XRN2: variants seen among roughly 807,000 people sequenced by gnomAD.
XRN2 encodes 5'-3' exoribonuclease 2.
Under a neutral mutation model 138.5 loss-of-function variants are expected in XRN2, and 44 were observed. The ratio of observed to expected loss-of-function variants is 0.32; its 90% confidence interval spans 0.25 to 0.41. XRN2 has a LOEUF of 0.41. Among genes scored for constraint, XRN2 ranks in the 10% least tolerant of loss-of-function variants. The pLI is 1.00. For synonymous variants in XRN2, 354 were observed against 369.4 expected, an observed-to-expected ratio of 0.96 and a Z score of 0.48; for missense variants, 937 against 1,169.3, an observed-to-expected ratio of 0.80 and a Z score of 2.90.
intron 4 of XRN2, 104 bp from the exon 5 acceptor site, chr20:21,330,377 C>T (rs1025610996): frequency 1.0e-4 from 119 of 1,172,914 alleles, no homozygotes; most frequent in Non-Finnish European, 1.4e-4. Context: ...CGAGACTTCA[C>T]TTTCTTTTGT....
intron 13 of XRN2, among the ~76,000 whole-genome samples, chr20:21,335,562 G>C (rs202842): frequency 0.14 from 20,920 of 152,208 alleles, 1,783 homozygotes; most frequent in Non-Finnish European, 0.19. Context: ...ACTTGGTAAT[G>C]TTTTTATGTG....
Position 21,349,375 on chromosome 20 carries a change from T to C in XRN2, c.1864-14T>C. ...GACTTCTGTTTTGATTCTTTACTTTTCTCCCTAATATAGGATTCTAGTATA... is the reference window on the plus strand; with the variant it reads ...GACTTCTGTTTTGATTCTTTACTTTCCTCCCTAATATAGGATTCTAGTATA... On this transcript the variant is annotated splice_polypyrimidine_tract_variant and intron_variant, in intron 19 of 29. Coordinates refer to ENST00000377191, the MANE Select transcript of XRN2 (RefSeq NM_012255.5). The C allele has an allele frequency of 1.3e-6, 2 of 1,522,684 alleles. No individual in the cohort carries two copies. The highest frequency in any genetic ancestry group is 1.8e-6 in the Non-Finnish European group (2 of 1,100,640). The allele number at this position is 1,522,684 out of a possible 1,614,324, so 94.3% of individuals were successfully genotyped here. A position where few individuals can be genotyped will look rare whatever the true frequency, so the allele number is the denominator to read the frequency against.
intron 24 of XRN2, among the ~76,000 whole-genome samples, chr20:21,358,077 T>G (rs1401252143): frequency 6.6e-6 from 1 of 152,058 alleles, no homozygotes; most frequent in Non-Finnish European, 1.5e-5. Flanking sequence ...AGAGTAGGAG[T>G]ATCTAGCAGT....
chr20:21,321,383 A>G (rs2038042547), intron 1 of XRN2, among the ~76,000 whole-genome samples: 1 of 148,308 alleles, frequency 6.7e-6, no homozygotes. Flanking sequence ...GCTATAGTGC[A>G]GTAGTGGCAC....
chr20:21,327,130 C>T (rs1238849435), intron 3 of XRN2, among the ~76,000 whole-genome samples: 1 of 152,084 alleles, frequency 6.6e-6, no homozygotes, highest in African/African-American at 2.4e-5. Flanking sequence ...CCTTTGACCA[C>T]ACTGACATGT....
chr20:21,362,679 C>T (rs940379015), intron 24 of XRN2, among the ~76,000 whole-genome samples: 1 of 152,180 alleles, frequency 6.6e-6, no homozygotes, highest in Middle Eastern at 3.2e-3. Flanking sequence ...TGACCATAAC[C>T]CACTTCTGTT....
chr20:21,389,195 T>C, intron 29 of XRN2, 78 bp from the exon 30 acceptor site: 1 of 1,322,572 alleles, frequency 7.6e-7, no homozygotes. Flanking sequence ...TGATGTGTTT[T>C]TCCATAGAGG....
chr20:21,320,234 T>G (rs1045981669), intron 1 of XRN2, among the ~76,000 whole-genome samples: 4 of 152,004 alleles, frequency 2.6e-5, no homozygotes, highest in African/African-American at 9.7e-5. Context: ...TCTTTACTGC[T>G]TTTTATGTTA....
At position 21,329,698 on chromosome 20, in the gene XRN2, AATAGTG is replaced by A. The variant is rs151000810; in HGVS notation, c.428-778_428-773del. Among the ~76,000 whole-genome samples the A allele has an allele frequency of 9.4e-3, 1,436 of 152,296 alleles. 23 individuals carry two copies. Among genetic ancestry groups the A allele is most frequent in the African/African-American group, 0.031 (1,274 of 41,552 alleles). On this transcript the variant is annotated intron_variant, in intron 4 of 29. Coordinates refer to ENST00000377191, the MANE Select transcript of XRN2 (RefSeq NM_012255.5). ...TATACTTGTTTCTTGAGAAGCAGCTAATAGTGATAGAGAGGAAAAAATAGGATTTTT... is the reference window on the plus strand; with the variant it reads ...TATACTTGTTTCTTGAGAAGCAGCTAATAGAGAGGAAAAAATAGGATTTTT...
chr20:21,329,106 G>A (rs1375894898), intron 4 of XRN2, among the ~76,000 whole-genome samples: 1 of 152,212 alleles, frequency 6.6e-6, no homozygotes, highest in Non-Finnish European at 1.5e-5. Context: ...ATCTGAGGAA[G>A]CCGGAGGTGA....
Position 21,328,658 on chromosome 20 carries a change from A to G in XRN2, c.415A>G (p.Ile139Val), listed in dbSNP as rs578058522. Residue 139 changes from isoleucine to valine, a missense_variant, in exon 4 of 30, where the codon ATA becomes GTA. Physicochemically the swap from Ile to Val is conservative, Grantham distance 29 (BLOSUM62 3). Transcript: ENST00000377191. ...AVEKQRVREE[I>V]LAKGGFLPPE... ...CGAGAAGCAGCGAGTCAGGGAAGAA[A>G]TATTGGCAAAAGGTAAAGAATATGC... 5.0e-6 allele frequency: 8 copies of G among 1,613,696 alleles called. No homozygotes were observed. Among genetic ancestry groups the G allele is most frequent in the East Asian group, 2.2e-5 (1 of 44,876 alleles).
intron 27 of XRN2, among the ~76,000 whole-genome samples, chr20:21,380,678 T>G (rs562469111): frequency 4.7e-4 from 72 of 152,342 alleles, no homozygotes; most frequent in African/African-American, 1.6e-3. Context: ...AGATACCACC[T>G]TTTAATTCAC....
intron 27 of XRN2, among the ~76,000 whole-genome samples, chr20:21,369,441 A>G (rs916889149): frequency 3.3e-5 from 5 of 152,094 alleles, no homozygotes; most frequent in African/African-American, 1.2e-4. Context: ...AGCATTAGGG[A>G]TTGCTGGATC....
intron 16 of XRN2, among the ~76,000 whole-genome samples, chr20:21,345,973 G>A (rs981534649): frequency 1.6e-4 from 25 of 152,088 alleles, no homozygotes; most frequent in African/African-American, 3.9e-4. Flanking sequence ...ACCTGTGTGC[G>A]TCTTAAGTAA....
intron 24 of XRN2, among the ~76,000 whole-genome samples, chr20:21,359,144 T>C (rs1046576849): frequency 4.1e-4 from 62 of 152,210 alleles, no homozygotes; most frequent in African/African-American, 1.4e-3. Flanking sequence ...ACATTTTGGA[T>C]TTTTTGTTTG....
In XRN2 at chr20:21,365,642, G is replaced by A. The variant is rs375752353; in HGVS notation, c.2394G>A (p.Gln798=). Residue 798 remains glutamine (Q), a synonymous_variant, in exon 26 of 30, where the codon CAG becomes CAA. Transcript: ENST00000377191. ...KSSNGRQWKP[Q]LGFNRDRRPV... ...GCAATGGACGGCAGTGGAAGCCTCA[G>A]CTTGGCTTTAACCGTGACCGGAGGC... 51 of 1,613,290 alleles carry A rather than the reference G, an allele frequency of 3.2e-5. No individual in the cohort carries two copies. The highest frequency in any genetic ancestry group is 2.6e-4 in the South Asian group (24 of 91,076).
intron 24 of XRN2, among the ~76,000 whole-genome samples, 182 bp downstream of exon 24, chr20:21,357,974 G>T (rs2038595818): frequency 6.6e-6 from 1 of 152,214 alleles, no homozygotes; most frequent in Admixed American, 6.5e-5. Flanking sequence ...TATGTATATT[G>T]TTAAGGTTAC....
intron 20 of XRN2, among the ~76,000 whole-genome samples, chr20:21,350,419 G>A (rs544263439): frequency 5.7e-4 from 86 of 150,444 alleles, no homozygotes; most frequent in South Asian, 4.6e-3. Flanking sequence ...CCAGCTACTC[G>A]GGAGGCAGAG....
intron 24 of XRN2, among the ~76,000 whole-genome samples, chr20:21,364,631 A>AC (rs1473593936): frequency 2.6e-5 from 4 of 151,800 alleles, no homozygotes; most frequent in Non-Finnish European, 5.9e-5. Context: ...ATGTGGGGAA[A>AC]CCCCATCTCT....
Sources: allele counts gnomAD v4.1 joint callset (sites outside exome capture counted in the v4.1 genomes callset), GRCh38; gene constraint gnomAD v4.1.1; transcripts MANE v1.5; gene names NCBI Gene and HGNC (gene_info 2026-07-23, HGNC 2026-07-21).